SPAG9: variants seen among roughly 807,000 people sequenced by gnomAD.
SPAG9 encodes the protein C-Jun-amino-terminal kinase-interacting protein 4.
Under a neutral mutation model 166.5 loss-of-function variants are expected in SPAG9, and 35 were observed. The ratio of observed to expected loss-of-function variants is 0.21; its 90% CI spans 0.16 to 0.28. The LOEUF (loss-of-function observed/expected upper bound fraction) is 0.28. Among genes scored for constraint, SPAG9 ranks in the 10% least tolerant of loss-of-function variants. The pLI, the probability that SPAG9 is intolerant of heterozygous loss-of-function variation, is 1.00. For missense variants in SPAG9, 1,235 were observed against 1,603.3 expected (o/e 0.77, Z 3.92); for synonymous variants, 534 against 565.5 (o/e 0.94, Z 0.79).
rs375541707 is a variant in SPAG9, at chr17:50,966,358, C to T, written c.3880G>A (p.Gly1294Arg). 1.9e-6 allele frequency: 3 copies of T among 1,613,266 alleles called. No individual in the cohort carries two copies. Among genetic ancestry groups the T allele is most frequent in the African/African-American group, 1.3e-5 (1 of 74,894 alleles). ...GDEGGESELL[G>R]EDLPLEPSVT... is the part of the protein sequence containing the mutation. ...GAAGGTTCAAGTGGAAGATCCTCTC[C>T]AAGAAGTTCTGATTCTCCACCTTCA... is the stretch of plus-strand genomic sequence containing the variant. Residue 1294 changes from glycine (G) to arginine (R), a missense_variant, in exon 30 of 30, where the codon GGA becomes AGA. Physicochemically the swap from Gly to Arg is moderately radical, Grantham distance 125. Coordinates refer to ENST00000262013, the MANE Select transcript of SPAG9 (RefSeq NM_001130528.3).
In SPAG9 at chr17:50,974,918, G is replaced by A. The variant is rs1246114077; in HGVS notation, c.3553C>T (p.Arg1185Cys). 4.3e-6 allele frequency: 7 copies of A among 1,610,034 alleles called. No individual in the cohort carries two copies. The highest frequency in any genetic ancestry group is 1.1e-5 in the South Asian group (1 of 89,942). The change falls in exon 28 of 30, where the codon CGT becomes TGT. Residue 1185 changes from arginine (R) to cysteine (C), a missense_variant. Around this residue, in one of 6 missense-constraint regions of SPAG9, gnomAD observed 243 missense variants for 358.6 expected, o/e 0.68. Coordinates refer to ENST00000262013, the MANE Select transcript of SPAG9 (RefSeq NM_001130528.3). ...TATACACGGATTACACTTCCAGGAC[G>A]ATTTCCTGGTACACCTGAGGTTTTA... ...TNKTSGVPGNRPGSVIRVYGD... is the reference protein window; with the variant it reads ...TNKTSGVPGNCPGSVIRVYGD...
chr17:51,041,475 C>A, intron 5 of SPAG9, 26 bp downstream of exon 5: 1 of 1,601,720 alleles, frequency 6.2e-7, no homozygotes, highest in Non-Finnish European at 8.5e-7. Flanking sequence ...TATAAACTGA[C>A]ACAATTTCAG....
At chr17:50,981,872 A>C (rs979085614) in intron 25 of SPAG9, among the ~76,000 whole-genome samples, 1 of 152,006 alleles carries the variant, frequency 6.6e-6, no homozygotes, top group Non-Finnish European at 1.5e-5. Context: ...TCTACTAAAA[A>C]TACAAAAAAA....
At chr17:51,112,490 G>T (rs2049143023) in intron 1 of SPAG9, among the ~76,000 whole-genome samples, 1 of 151,500 alleles carries the variant, frequency 6.6e-6, no homozygotes, top group Admixed American at 6.6e-5. Flanking sequence ...GGCCAACATG[G>T]TGAAACCCCA....
chr17:51,103,094 A>C (rs1598186780), intron 1 of SPAG9, among the ~76,000 whole-genome samples: 2 of 152,210 alleles, frequency 1.3e-5, no homozygotes, highest in East Asian at 3.8e-4. Flanking sequence ...CTGTATATGC[A>C]AAAGTGAAAG....
chr17:50,965,323 A>AC lies in SPAG9; in HGVS notation c.*948dup, dbSNP rs1378259463. On this transcript the variant is annotated 3_prime_UTR_variant, in exon 30 of 30. Coordinates refer to ENST00000262013, the MANE Select transcript of SPAG9 (RefSeq NM_001130528.3). ...TGTACTTAGGCCAGACTCCATCCCCACTACAGTTTTACTTGTATTAACAGG... is the reference window on the plus strand; with the variant it reads ...TGTACTTAGGCCAGACTCCATCCCCACCTACAGTTTTACTTGTATTAACAGG... 1.3e-5 allele frequency: 2 copies of AC among 152,154 alleles called. No homozygotes were observed. Among genetic ancestry groups the AC allele is most frequent in the African/African-American group, 4.8e-5 (2 of 41,448 alleles). The allele number at this position is 152,154 out of a possible 1,614,324, so 9.4% of individuals were successfully genotyped here. A position where few individuals can be genotyped will look rare whatever the true frequency, so the allele number is the denominator to read the frequency against.
At chr17:51,110,411 C>A (rs966747660) in intron 1 of SPAG9, among the ~76,000 whole-genome samples, 4 of 150,582 alleles carry the variant, frequency 2.7e-5, no homozygotes, top group African/African-American at 9.8e-5. Context: ...AAAACCCTAG[C>A]TGGACGTGGT....
rs1973541832 is a variant in SPAG9, at chr17:50,968,693, TGCACTCCA to T, written c.3850+2006_3850+2013del. On this transcript the variant is annotated intron_variant, in intron 29 of 29. Transcript: ENST00000262013. The stretch of plus-strand genomic sequence containing the variant: ...TTGCAGTGAGCCAAGATTGTGCCAC[TGCACTCCA>T]GCCTGGGTGACAGAGTGTGAGACTC... Among the ~76,000 whole-genome samples, 5 of 151,956 alleles carry T rather than the reference TGCACTCCA, an allele frequency of 3.3e-5. No individual in the cohort carries two copies. In the South Asian group the frequency reaches 1.0e-3, roughly 32 times the overall value.
chr17:51,012,447 T>G lies in SPAG9; in HGVS notation c.1213+1785A>C, dbSNP rs535403509. ...TAGTCAGGCATGGTGGTATGCGCCT[T>G]TAGTCCCAGCTACTCGGGAGGCTGA... is the stretch of plus-strand genomic sequence containing the variant. On this transcript the variant is annotated intron_variant, in intron 9 of 29. Coordinates refer to ENST00000262013, the MANE Select transcript of SPAG9 (RefSeq NM_001130528.3). Among the ~76,000 whole-genome samples, 6 of 151,644 alleles carry G rather than the reference T, an allele frequency of 4.0e-5. No homozygotes were observed. The East Asian group carries it at 1.2e-3, about 30-fold the overall frequency.
At chr17:51,091,730 C>T (rs1214492077) in intron 1 of SPAG9, among the ~76,000 whole-genome samples, 1 of 151,518 alleles carries the variant, frequency 6.6e-6, no homozygotes, top group Non-Finnish European at 1.5e-5. Context: ...TCACTAAATA[C>T]CCCTCTTCCC....
At chr17:51,075,586 G>A (rs2047947803) in intron 2 of SPAG9, among the ~76,000 whole-genome samples, 2 of 151,986 alleles carry the variant, frequency 1.3e-5, no homozygotes, top group African/African-American at 2.4e-5. Flanking sequence ...GCATTTGGGG[G>A]GCCAAGGTGC....
intron 28 of SPAG9, among the ~76,000 whole-genome samples, chr17:50,974,309 G>A (rs1484075027): frequency 6.6e-6 from 1 of 152,128 alleles, no homozygotes; most frequent in African/African-American, 2.4e-5. Context: ...GAGGTTAAGT[G>A]CCTTGCTCGA....
At chr17:51,061,885 C>A (rs2047529352) in intron 2 of SPAG9, among the ~76,000 whole-genome samples, 1 of 152,148 alleles carries the variant, frequency 6.6e-6, no homozygotes, top group South Asian at 2.1e-4. Flanking sequence ...TTCCATTTGG[C>A]AACACAGTCT....
intron 9 of SPAG9, among the ~76,000 whole-genome samples, chr17:51,011,025 G>T (rs535048680): frequency 2.6e-5 from 4 of 152,256 alleles, no homozygotes; most frequent in African/African-American, 9.6e-5. Context: ...GACTGAAAAG[G>T]TAAGAGTCGA....
At chr17:50,969,290 G>T (rs1467824512) in intron 29 of SPAG9, among the ~76,000 whole-genome samples, 1 of 152,042 alleles carries the variant, frequency 6.6e-6, no homozygotes, top group Non-Finnish European at 1.5e-5. Flanking sequence ...TCACCACTAT[G>T]CTCTTCAAGA....
chr17:51,073,593 A>C (rs1476485021), intron 2 of SPAG9, among the ~76,000 whole-genome samples: 1 of 152,150 alleles, frequency 6.6e-6, no homozygotes, highest in Non-Finnish European at 1.5e-5. Flanking sequence ...GGTAAAGTGA[A>C]AAAACAGTCA....
intron 1 of SPAG9, among the ~76,000 whole-genome samples, chr17:51,091,176 G>C (rs575357446): frequency 6.6e-6 from 1 of 151,942 alleles, no homozygotes; most frequent in South Asian, 2.1e-4. Context: ...AAAGGCTGAG[G>C]TGGGAGGGGA....
chr17:50,984,821 T>C, intron 24 of SPAG9, 102 bp downstream of exon 24: 2 of 915,216 alleles, frequency 2.2e-6, no homozygotes, highest in Non-Finnish European at 3.6e-6. Flanking sequence ...GTATTTATTC[T>C]TTAAACTGAG....
chr17:51,083,378 G>A (rs1446417659), intron 1 of SPAG9, among the ~76,000 whole-genome samples: 1 of 151,342 alleles, frequency 6.6e-6, no homozygotes, highest in African/African-American at 2.4e-5. Flanking sequence ...GGGATTACAG[G>A]TGCCTGCCAC....
Sources: gnomAD v4.1 joint callset for allele counts (sites outside exome capture counted in the v4.1 genomes callset) on GRCh38, gnomAD v4.1.1 for gene constraint, gnomAD v4.1.1 regional missense constraint, MANE v1.5 for transcripts, NCBI Gene and HGNC (gene_info 2026-07-23, HGNC 2026-07-21) for gene names.